JAKMIP2: variants seen among roughly 807,000 people sequenced by gnomAD.
The protein encoded by JAKMIP2 is janus kinase and microtubule interacting protein 2, also known as janus kinase and microtubule-interacting protein 2.
JAKMIP2 carries 25 observed loss-of-function variants against 115.0 expected under a neutral mutation model. The observed-to-expected ratio is 0.22, with a 90% CI of 0.16 to 0.30. JAKMIP2 has a LOEUF of 0.30. JAKMIP2 is among the 10% of genes least tolerant of loss of function. JAKMIP2 has a pLI of 1.00. For synonymous variants in JAKMIP2, 334 were observed against 343.6 expected, an observed-to-expected ratio of 0.97 and a Z score of 0.31; for missense variants, 642 against 957.6, an observed-to-expected ratio of 0.67 and a Z score of 4.35.
chr5:147,634,713 A>G (rs973005499), intron 12 of JAKMIP2, among the ~76,000 whole-genome samples: 1 of 152,180 alleles, frequency 6.6e-6, no homozygotes, highest in African/African-American at 2.4e-5. Context: ...TATAACATAT[A>G]CATCATCTAT....
chr5:147,591,428 T>C lies in JAKMIP2; in HGVS notation c.*279A>G, dbSNP rs932199342. On this transcript the variant is annotated 3_prime_UTR_variant, in exon 22 of 22. Coordinates refer to ENST00000616793, the MANE Select transcript of JAKMIP2 (RefSeq NM_001270941.2). Reference sequence around the variant, plus strand: ...CTGAACTTTTTCTTTACACAATATATGTTTATAGTTCTTCTCTTCTGATTT... The same window carrying C: ...CTGAACTTTTTCTTTACACAATATACGTTTATAGTTCTTCTCTTCTGATTT... 2.1e-6 allele frequency: 1 copy of C among 481,956 alleles called. No individual in the cohort carries two copies. Among genetic ancestry groups the C allele is most frequent in the African/African-American group, 2.1e-5 (1 of 48,632 alleles). The allele number at this position is 481,956 out of a possible 1,614,324, so 29.9% of individuals were successfully genotyped here. A position where few individuals can be genotyped will look rare whatever the true frequency, so the allele number is the denominator to read the frequency against.
intron 10 of JAKMIP2, among the ~76,000 whole-genome samples, chr5:147,637,405 C>A (rs1025919239): frequency 1.3e-5 from 2 of 149,432 alleles, no homozygotes; most frequent in Admixed American, 6.8e-5. Flanking sequence ...TCATGAAAGC[C>A]TTGTTCCATT....
intron 21 of JAKMIP2, among the ~76,000 whole-genome samples, chr5:147,600,122 G>A (rs1417182952): frequency 3.2e-5 from 3 of 94,886 alleles, no homozygotes; most frequent in East Asian, 2.9e-4. Flanking sequence ...GGTGGGGGGA[G>A]GCTGTTTGTT....
At position 147,632,761 on chromosome 5, in the gene JAKMIP2, T is replaced by G. The variant is rs775795622; in HGVS notation, c.1695A>C (p.Ala565=). 42 of 1,611,682 alleles carry G rather than the reference T, an allele frequency of 2.6e-5. No individual in the cohort carries two copies. Among genetic ancestry groups the G allele is most frequent in the Non-Finnish European group, 3.6e-5 (42 of 1,178,184 alleles). ...GTTCTTGTTGTAACCGGTGATTTTC[T>G]GCCTCCTGTTTTTCTATCTAATAAA... ...ELLEKIEKQE[A]ENHRLQQELQ... Residue 565 remains alanine, a synonymous_variant, in exon 13 of 22, where the codon GCA becomes GCC. Coordinates refer to ENST00000616793, the MANE Select transcript of JAKMIP2 (RefSeq NM_001270941.2).
intron 12 of JAKMIP2, among the ~76,000 whole-genome samples, chr5:147,635,753 GTTTCACCATGT>G (rs888991502): frequency 2.0e-5 from 3 of 152,040 alleles, no homozygotes; most frequent in Non-Finnish European, 4.4e-5. Context: ...CAGAGACAGG[GTTTCACCATGT>G]TGGCCAGGCT....
chr5:147,620,627 G>A, intron 18 of JAKMIP2, 39 bp downstream of exon 18: 1 of 1,426,932 alleles, frequency 7.0e-7, no homozygotes, highest in East Asian at 2.3e-5. Context: ...GTGCATAACT[G>A]TAAATACTGC....
intron 17 of JAKMIP2, among the ~76,000 whole-genome samples, chr5:147,621,389 C>T (rs1363016209): frequency 2.0e-5 from 3 of 152,192 alleles, no homozygotes; most frequent in Non-Finnish European, 4.4e-5. Flanking sequence ...AAGCACAAGT[C>T]AATTGTTTCT....
At chr5:147,764,663 G>C (rs1054971233) in intron 1 of JAKMIP2, among the ~76,000 whole-genome samples, 7 of 151,580 alleles carry the variant, frequency 4.6e-5, no homozygotes, top group Non-Finnish European at 1.0e-4. Flanking sequence ...CAAGGCGAGA[G>C]GATCACAAGG....
intron 1 of JAKMIP2, among the ~76,000 whole-genome samples, chr5:147,702,707 A>AG (rs1752423733): frequency 9.9e-6 from 1 of 100,510 alleles, no homozygotes; most frequent in Non-Finnish European, 2.0e-5. Context: ...AGAAAAGAAA[A>AG]AAAAAGAGCA....
At chr5:147,782,311 C>G (rs1158598083) in intron 1 of JAKMIP2, 145 bp downstream of exon 1, 2 of 797,380 alleles carry the variant, frequency 2.5e-6, no homozygotes, top group Non-Finnish European at 4.2e-6. Context: ...AGCTTCCTCT[C>G]CCTCCATCCT....
chr5:147,609,750 G>A (rs762776755), intron 20 of JAKMIP2, among the ~76,000 whole-genome samples: 15 of 152,078 alleles, frequency 9.9e-5, no homozygotes, highest in Non-Finnish European at 1.9e-4. Flanking sequence ...AAGTTCTCCC[G>A]GATAATTTCC....
At chr5:147,754,478 A>G (rs983016998) in intron 1 of JAKMIP2, among the ~76,000 whole-genome samples, 41 of 152,316 alleles carry the variant, frequency 2.7e-4, no homozygotes, top group African/African-American at 9.6e-4. Flanking sequence ...AGGATGATTA[A>G]CAATGAGGAC....
At chr5:147,661,950 GTCTTAGAATAGC>G (rs1223785962) in intron 2 of JAKMIP2, 1 of 153,704 alleles carries the variant, frequency 6.5e-6, no homozygotes, top group East Asian at 1.9e-4. Flanking sequence ...ATAAATGTGT[GTCTTAGAATAGC>G]TCACAGTTTG....
At chr5:147,708,358 AAT>A (rs1752657793) in intron 1 of JAKMIP2, among the ~76,000 whole-genome samples, 2 of 152,170 alleles carry the variant, frequency 1.3e-5, no homozygotes, top group South Asian at 4.1e-4. Context: ...TACCCATATA[AAT>A]CTGAACTGGA....
chr5:147,672,605 G>A (rs1432831), intron 1 of JAKMIP2, among the ~76,000 whole-genome samples: 9,009 of 152,092 alleles, frequency 0.059, 456 homozygotes, highest in East Asian at 0.22. Flanking sequence ...ATCTATCTAC[G>A]TCACCATCCA....
intron 19 of JAKMIP2, 62 bp from the exon 20 acceptor site, chr5:147,612,433 T>C: frequency 1.0e-6 from 1 of 1,003,054 alleles, no homozygotes; most frequent in Non-Finnish European, 1.5e-6. Flanking sequence ...GGAAAAATAA[T>C]TTACCAAATG....
At chr5:147,618,737 CA>C (rs1300764547) in intron 18 of JAKMIP2, among the ~76,000 whole-genome samples, 5 of 152,044 alleles carry the variant, frequency 3.3e-5, no homozygotes, top group Non-Finnish European at 5.9e-5. Flanking sequence ...AACTCCATCT[CA>C]AAACAACAGC....
intron 1 of JAKMIP2, among the ~76,000 whole-genome samples, chr5:147,708,767 T>C (rs1302123707): frequency 1.3e-5 from 2 of 152,204 alleles, no homozygotes; most frequent in Admixed American, 1.3e-4. Context: ...TCGACAGTTA[T>C]GAGAGACCTC....
chr5:147,719,965 A>G (rs1361179189), intron 1 of JAKMIP2, among the ~76,000 whole-genome samples: 2 of 152,188 alleles, frequency 1.3e-5, no homozygotes, highest in East Asian at 3.9e-4. Context: ...ACATTTTGGC[A>G]TGATTTTGCA....
Sources: gnomAD v4.1 joint callset for allele counts (sites outside exome capture counted in the v4.1 genomes callset) on GRCh38, gnomAD v4.1.1 for gene constraint, MANE v1.5 for transcripts, NCBI Gene and HGNC (gene_info 2026-07-23, HGNC 2026-07-21) for gene names.